EPAS1: variants seen among roughly 807,000 people sequenced by gnomAD.
The protein encoded by EPAS1 is endothelial PAS domain protein 1, also known as endothelial PAS domain-containing protein 1.
A neutral mutation model predicts 87.9 loss-of-function variants in EPAS1; 23 were observed. That is an observed-to-expected ratio of 0.26 (90% CI 0.19 to 0.37). The LOEUF is 0.37. EPAS1 is among the 10% of genes least tolerant of loss of function. The pLI, the probability that EPAS1 is intolerant of heterozygous loss-of-function variation, is 1.00. For missense variants in EPAS1, 1,138 were observed against 1,120.7 expected (o/e 1.02, Z -0.22); for synonymous variants, 508 against 444.3 (o/e 1.14, Z -1.80).
rs1018338532 is a variant in EPAS1 at position 46,377,973 on chromosome 2, G to A, written c.1329G>A (p.Arg443=). 5.7e-6 allele frequency: 9 copies of A among 1,571,510 alleles called. No individual in the cohort carries two copies. Among genetic ancestry groups the A allele is most frequent in the African/African-American group, 5.4e-5 (4 of 73,828 alleles). ...GCCAGCCATGGGCCACGGAGTTGAGGAGCCACAGCACCCAGAGCGAGGCTG... is the reference window on the plus strand; with the variant it reads ...GCCAGCCATGGGCCACGGAGTTGAGAAGCCACAGCACCCAGAGCGAGGCTG... ...PPSQPWATEL[R]SHSTQSEAGS... is the part of the protein sequence containing the mutation. Residue 443 remains arginine (R), a synonymous_variant, in exon 10 of 16, where the codon AGG becomes AGA. Transcript: ENST00000263734.
intron 1 of EPAS1, among the ~76,000 whole-genome samples, chr2:46,311,861 AG>A (rs1349879260): frequency 6.6e-6 from 1 of 152,200 alleles, no homozygotes; most frequent in Admixed American, 6.5e-5. Context: ...CCTGGTGAGC[AG>A]AAAACCCAGG....
intron 1 of EPAS1, among the ~76,000 whole-genome samples, chr2:46,324,135 T>C (rs544603710): frequency 1.3e-5 from 2 of 152,354 alleles, no homozygotes; most frequent in South Asian, 2.1e-4. Context: ...GGTGCGATCT[T>C]GGCTCACTGC....
At position 46,369,864 on chromosome 2, in the gene EPAS1, C is replaced by T. The variant is rs772856960; in HGVS notation, c.817C>T (p.Leu273Phe). The T allele has an allele frequency of 2.5e-5, 40 of 1,613,254 alleles. No individual in the cohort carries two copies. Among genetic ancestry groups the T allele is most frequent in the Non-Finnish European group, 3.0e-5 (35 of 1,179,750 alleles). The stretch of plus-strand genomic sequence containing the variant: ...GATTGGTTACCACCCTGAGGAGCTG[C>T]TTGGCCGCTCAGCCTATGAATTCTA... ...ELIGYHPEEL[L>F]GRSAYEFYHA... Residue 273 changes from leucine to phenylalanine, a missense_variant, in exon 7 of 16, where the codon CTT becomes TTT. Leu to Phe is a conservative substitution (Grantham distance 22, BLOSUM62 0). This residue lies in a region of EPAS1 where 351 missense variants were observed against 417.1 expected (regional missense o/e 0.84). Transcript: ENST00000263734.
At position 46,360,608 on chromosome 2, in the gene EPAS1, A is replaced by C; in HGVS notation, c.455-30A>C. The C allele has an allele frequency of 6.3e-7, 1 of 1,593,828 alleles. No homozygotes were observed. The highest frequency in any genetic ancestry group is 2.2e-5 in the East Asian group (1 of 44,778). ...TGAATATCCATATAAAACTGACTTCAGCTGGTTCTTCCCATCCTTCCACAT... is the reference window on the plus strand; with the variant it reads ...TGAATATCCATATAAAACTGACTTCCGCTGGTTCTTCCCATCCTTCCACAT... On this transcript the variant is annotated intron_variant, in intron 4 of 15. Coordinates refer to ENST00000263734, the MANE Select transcript of EPAS1 (RefSeq NM_001430.5). This position sits in a 1 kb window ranked among gnomAD's most constrained non-coding sequence, Gnocchi z 4.5.
chr2:46,306,344 A>G (rs1299530413), intron 1 of EPAS1, among the ~76,000 whole-genome samples: 1 of 152,148 alleles, frequency 6.6e-6, no homozygotes, highest in African/African-American at 2.4e-5. Flanking sequence ...CTTCCTTTAT[A>G]TTTGGGAAAT....
chr2:46,350,862 C>T (rs1005369079), intron 2 of EPAS1, among the ~76,000 whole-genome samples: 21 of 152,226 alleles, frequency 1.4e-4, no homozygotes, highest in East Asian at 1.9e-4. Context: ...ATTTGCTTAG[C>T]GAAGACATCA....
chr2:46,312,592 G>A (rs764534541), intron 1 of EPAS1, among the ~76,000 whole-genome samples: 1 of 152,172 alleles, frequency 6.6e-6, no homozygotes, highest in Admixed American at 6.5e-5. Context: ...GCACATTATT[G>A]CCTGTTGATG....
At chr2:46,308,985 A>G (rs1333618048) in intron 1 of EPAS1, among the ~76,000 whole-genome samples, 1 of 152,228 alleles carries the variant, frequency 6.6e-6, no homozygotes, top group Non-Finnish European at 1.5e-5. Flanking sequence ...GTCCCTGATC[A>G]CCACTCAAGT....
chr2:46,312,260 A>T (rs1683227538), intron 1 of EPAS1, among the ~76,000 whole-genome samples: 2 of 152,084 alleles, frequency 1.3e-5, no homozygotes, highest in Admixed American at 6.5e-5. Flanking sequence ...CTACCTCCAC[A>T]TGGGGTTCAG....
At chr2:46,381,906 C>A (rs79843796) in intron 13 of EPAS1, 69 bp from the exon 14 acceptor site, 6 of 1,413,126 alleles carry the variant, frequency 4.2e-6, no homozygotes, top group Non-Finnish European at 5.9e-6. Flanking sequence ...CAGGCCCACC[C>A]AACCCACCCA....
Position 46,300,338 on chromosome 2 carries a change from C to G in EPAS1, c.26+2401C>G, listed in dbSNP as rs1344841778. On this transcript the variant is annotated intron_variant, in intron 1 of 15. Transcript: ENST00000263734. The surrounding 1 kb of genome is among the most constrained non-coding windows in gnomAD (Gnocchi z 4.1). ...TTTGTGTTTCTTTGGTTTAGCAGAG[C>G]AGTTTCTTCCCCCAAATGCAATATG... Among the ~76,000 whole-genome samples the G allele has an allele frequency of 6.6e-6, 1 of 152,190 alleles. No homozygotes were observed. Among genetic ancestry groups the G allele is most frequent in the East Asian group, 1.9e-4 (1 of 5,198 alleles).
chr2:46,365,714 A>G (rs1417477640), intron 6 of EPAS1, among the ~76,000 whole-genome samples: 2 of 152,256 alleles, frequency 1.3e-5, no homozygotes, highest in East Asian at 3.8e-4. Flanking sequence ...TGTTTAAAGC[A>G]AACAAAATCT....
At chr2:46,299,933 C>T (rs946629682) in intron 1 of EPAS1, among the ~76,000 whole-genome samples, 6 of 152,234 alleles carry the variant, frequency 3.9e-5, no homozygotes, top group Admixed American at 6.5e-5. Flanking sequence ...GCCTGCGAAA[C>T]GCCTTGGAGG....
rs1485953124 is a variant in EPAS1 at position 46,360,571 on chromosome 2, G to A, written c.455-67G>A. 2 of 1,356,494 alleles carry A rather than the reference G, an allele frequency of 1.5e-6. No homozygotes were observed. Among genetic ancestry groups the A allele is most frequent in the Non-Finnish European group, 2.1e-6 (2 of 945,756 alleles). 84.0% of individuals were successfully genotyped at this position (1,356,494 alleles called of 1,614,324 possible). A position where few individuals can be genotyped will look rare whatever the true frequency, so the allele number is the denominator to read the frequency against. ...TAGGCTGCCAAGAAAAACTGCAGCT[G>A]GGCCCCTCTCATGAATATCCATATA... On this transcript the variant is annotated intron_variant, in intron 4 of 15. Transcript: ENST00000263734. The surrounding 1 kb of genome is among the most constrained non-coding windows in gnomAD (Gnocchi z 4.5).
chr2:46,348,526 C>T (rs975030111), intron 2 of EPAS1, among the ~76,000 whole-genome samples: 1 of 152,146 alleles, frequency 6.6e-6, no homozygotes, highest in Non-Finnish European at 1.5e-5. Context: ...GATGGAGGCC[C>T]CTTCCCCACA....
chr2:46,315,140 A>C (rs1280248288), intron 1 of EPAS1, among the ~76,000 whole-genome samples: 4 of 152,210 alleles, frequency 2.6e-5, no homozygotes. Context: ...GGTTGTGGCC[A>C]CTGTGACTCA....
chr2:46,384,263 A>G (rs1233061753), intron 15 of EPAS1, among the ~76,000 whole-genome samples: 2 of 152,080 alleles, frequency 1.3e-5, no homozygotes, highest in Admixed American at 1.3e-4. Flanking sequence ...TGAAGCTTCC[A>G]CATACCTGTG....
chr2:46,343,611 G>C (rs760476446), intron 1 of EPAS1, among the ~76,000 whole-genome samples: 1 of 152,206 alleles, frequency 6.6e-6, no homozygotes, highest in Non-Finnish European at 1.5e-5. Flanking sequence ...ATGTTAAGAA[G>C]AAGTGCTTTC....
At chr2:46,319,863 T>C (rs1047324627) in intron 1 of EPAS1, among the ~76,000 whole-genome samples, 1 of 152,220 alleles carries the variant, frequency 6.6e-6, no homozygotes, top group African/African-American at 2.4e-5. Flanking sequence ...TTCCTAAAGC[T>C]CTCTTTTTCA....
Sources: gnomAD v4.1 joint callset for allele counts (sites outside exome capture counted in the v4.1 genomes callset) on GRCh38, gnomAD v4.1.1 for gene constraint, gnomAD v4.1.1 regional missense constraint, Gnocchi (gnomAD v3.1) non-coding constraint, MANE v1.5 for transcripts, NCBI Gene and HGNC (gene_info 2026-07-23, HGNC 2026-07-21) for gene names.